Variants in ILDR2 observed in about 807,000 individuals in gnomAD.
ILDR2 encodes immunoglobulin like domain containing receptor 2.
ILDR2 carries 25 observed loss-of-function variants against 66.8 expected under a neutral mutation model. The ratio of observed to expected loss-of-function variants is 0.37; its 90% confidence interval spans 0.27 to 0.52. ILDR2 has a LOEUF of 0.52. Among genes scored for constraint, ILDR2 ranks in the 20% least tolerant of loss-of-function variants. ILDR2 has a pLI of 0.88. For missense variants in ILDR2, 827 were observed against 876.8 expected (o/e 0.94, Z 0.72); for synonymous variants, 367 against 357.2 (o/e 1.03, Z -0.31).
intron 7 of ILDR2, 119 bp from the exon 8 acceptor site, chr1:166,922,928 CAGGG>C (rs1660044902): frequency 1.2e-6 from 1 of 824,548 alleles, no homozygotes; most frequent in Admixed American, 2.1e-5. Flanking sequence ...CATTGCTGTC[CAGGG>C]TGGGTTGTAA....
chr1:166,898,066 A>G (rs1443788268), intron 2 of ILDR2, among the ~76,000 whole-genome samples: 1 of 152,194 alleles, frequency 6.6e-6, no homozygotes, highest in Non-Finnish European at 1.5e-5. Flanking sequence ...GCACTGCACA[A>G]TGAAAGAAAA....
At chr1:166,923,862 C>CT (rs1486490261) in intron 7 of ILDR2, among the ~76,000 whole-genome samples, 2 of 152,118 alleles carry the variant, frequency 1.3e-5, no homozygotes, top group Non-Finnish European at 2.9e-5. Flanking sequence ...TAACTGAATC[C>CT]ATTGGTTTTC....
rs1345745233 is a variant in ILDR2 at position 166,911,990 on chromosome 1, T to C, written c.*7365A>G. 3 of 152,180 alleles carry C rather than the reference T, an allele frequency of 2.0e-5. No homozygotes were observed. The East Asian group carries it at 5.8e-4, about 29-fold the overall frequency. 9.4% of individuals were successfully genotyped at this position (152,180 alleles called of 1,614,324 possible). A position where few individuals can be genotyped will look rare whatever the true frequency, so the allele number is the denominator to read the frequency against. ...TGTTAATATAGCTGAGAGTTTTCCA[T>C]ATTTAATGGGAAATCCAATCCACGG... On this transcript the variant is annotated 3_prime_UTR_variant, in exon 10 of 10. Transcript: ENST00000271417.
At chr1:166,970,116 C>CATTCT (rs2102030209) in intron 1 of ILDR2, among the ~76,000 whole-genome samples, 1 of 152,284 alleles carries the variant, frequency 6.6e-6, no homozygotes, top group South Asian at 2.1e-4. Flanking sequence ...CTAGAAGGGA[C>CATTCT]ATTCTAGGAC....
chr1:166,950,866 A>G (rs1661937868), intron 3 of ILDR2, among the ~76,000 whole-genome samples: 1 of 152,124 alleles, frequency 6.6e-6, no homozygotes, highest in South Asian at 2.1e-4. Context: ...AAACAAAGGC[A>G]ATTCTGTGGG....
In ILDR2 at chr1:166,936,699, G is replaced by C. The variant is rs1178306957; in HGVS notation, c.595C>G (p.Leu199Val). 2 of 1,614,144 alleles carry C rather than the reference G, an allele frequency of 1.2e-6. No homozygotes were observed. The highest frequency in any genetic ancestry group is 2.2e-5 in the South Asian group (2 of 91,082). ...FVGLVLLGVF[L>V]FFVLVGICWC... ...CAGATCCCCACCAGGACGAAGAAGA[G>C]GAAGACGCCCAGGAGCACCAGGCCA... Residue 199 changes from leucine to valine, a missense_variant, in exon 5 of 10, where the codon CTC (leucine) becomes GTC (valine). Physicochemically the swap from Leu to Val is conservative, Grantham distance 32 (BLOSUM62 1). Transcript: ENST00000271417. The surrounding 1 kb of genome is among the most constrained non-coding windows in gnomAD (Gnocchi z 5.0).
rs1179076097 is a variant in ILDR2 at position 166,909,710 on chromosome 1, CAT to C, written c.*9643_*9644del. The stretch of plus-strand genomic sequence containing the variant: ...CAAAAACAAGGTTAATAGAAATTGA[CAT>C]ATATATGTGTGTGTGTATACATACA... On this transcript the variant is annotated 3_prime_UTR_variant, in exon 10 of 10. Transcript: ENST00000271417. 2 of 131,490 alleles carry C rather than the reference CAT, an allele frequency of 1.5e-5. No homozygotes were observed. Among genetic ancestry groups the C allele is most frequent in the African/African-American group, 5.8e-5 (2 of 34,346 alleles). The allele number at this position is 131,490 out of a possible 1,614,324, so 8.1% of individuals were successfully genotyped here.
intron 3 of ILDR2, among the ~76,000 whole-genome samples, chr1:166,945,967 C>T (rs1661590121): frequency 6.6e-6 from 1 of 152,232 alleles, no homozygotes; most frequent in Admixed American, 6.5e-5. Context: ...CACTTTCAAG[C>T]TTTCCTCAGA....
chr1:166,906,213 T>C (rs1057445508), downstream of ILDR2, among the ~76,000 whole-genome samples: 1 of 152,186 alleles, frequency 6.6e-6, no homozygotes, highest in African/African-American at 2.4e-5. Context: ...CATACCACAG[T>C]GGTATGAAGG....
intron 9 of ILDR2, 69 bp from the exon 10 acceptor site, chr1:166,919,459 G>A (rs925444704): frequency 2.1e-6 from 3 of 1,454,620 alleles, no homozygotes; most frequent in East Asian, 2.3e-5. Flanking sequence ...AATAACAGAT[G>A]GTTCTCTGGG....
At chr1:166,965,581 T>C (rs536477037) in intron 1 of ILDR2, among the ~76,000 whole-genome samples, 1 of 146,332 alleles carries the variant, frequency 6.8e-6, no homozygotes, top group African/African-American at 2.6e-5. Context: ...TTTTTTTTTT[T>C]GTTTTTTTTT....
At position 166,917,915 on chromosome 1, in the gene ILDR2, TC is replaced by T. The variant is rs1422394562; in HGVS notation, c.*1439del. 1 of 152,142 alleles carries T rather than the reference TC, an allele frequency of 6.6e-6. No homozygotes were observed. The highest frequency in any genetic ancestry group is 1.5e-5 in the Non-Finnish European group (1 of 68,048). 9.4% of individuals were successfully genotyped at this position (152,142 alleles called of 1,614,324 possible). A position where few individuals can be genotyped will look rare whatever the true frequency, so the allele number is the denominator to read the frequency against. Reference sequence around the variant, plus strand: ...GTTCACCTGATGGTAGTTGCAAGGTTCCCAAGAGCAGCAAAAGAGGACAAGC... The same window carrying T: ...GTTCACCTGATGGTAGTTGCAAGGTTCCAAGAGCAGCAAAAGAGGACAAGC... On this transcript the variant is annotated 3_prime_UTR_variant, in exon 10 of 10. Coordinates refer to ENST00000271417, the MANE Select transcript of ILDR2 (RefSeq NM_199351.3).
rs1276145348 is a variant in ILDR2, at chr1:166,912,429, C to T, written c.*6926G>A. 2.6e-5 allele frequency: 4 copies of T among 151,928 alleles called. No individual in the cohort carries two copies. The highest frequency in any genetic ancestry group is 6.6e-5 in the Admixed American group (1 of 15,234). 9.4% of individuals were successfully genotyped at this position (151,928 alleles called of 1,614,324 possible). Reference sequence around the variant, plus strand: ...GAAAAAAAGATGTGTAGAAAAAACACGTGGGTGATTCTAAACAAATACTTT... The same window carrying T: ...GAAAAAAAGATGTGTAGAAAAAACATGTGGGTGATTCTAAACAAATACTTT... On this transcript the variant is annotated 3_prime_UTR_variant, in exon 10 of 10. Transcript: ENST00000271417.
At chr1:166,901,632 G>A (rs1659267209) in intron 2 of ILDR2, among the ~76,000 whole-genome samples, 1 of 152,140 alleles carries the variant, frequency 6.6e-6, no homozygotes, top group Admixed American at 6.5e-5. Context: ...CTTCCAAAAG[G>A]GAGACAGTTT....
chr1:166,929,040 G>A (rs1444505867), intron 6 of ILDR2, among the ~76,000 whole-genome samples: 2 of 152,186 alleles, frequency 1.3e-5, no homozygotes, highest in South Asian at 4.1e-4. Context: ...TGTCTGTTCT[G>A]GAGGCAGTTA....
rs561520831 is a variant in ILDR2 at position 166,896,490 on chromosome 1, C to T, written n.172-389G>A. 3.7e-4 allele frequency among the ~76,000 whole-genome samples: 55 copies of T among 150,492 alleles called. 1 individual carries two copies. The highest frequency in any genetic ancestry group is 9.7e-4 in the East Asian group (5 of 5,132). ...GTAAAATGTGGCTTCTACAACTAAG[C>T]GGAAGAATTTTAATTTTTTTTAATT... On this transcript the variant is annotated intron_variant and non_coding_transcript_variant, in intron 2 of 2. Coordinates refer to the ILDR2 transcript ENST00000414590.
chr1:166,960,017 G>A (rs773330934), intron 1 of ILDR2, among the ~76,000 whole-genome samples: 2 of 152,114 alleles, frequency 1.3e-5, no homozygotes, highest in Non-Finnish European at 2.9e-5. Flanking sequence ...CACTCCCACA[G>A]CTAAAGCATA....
intron 3 of ILDR2, among the ~76,000 whole-genome samples, chr1:166,942,365 A>G (rs1661359144): frequency 6.6e-6 from 1 of 152,256 alleles, no homozygotes; most frequent in Non-Finnish European, 1.5e-5. Flanking sequence ...AACAGGGAGT[A>G]GCTAGAGATG....
chr1:166,927,632 A>C lies in ILDR2; in HGVS notation c.881-452T>G, dbSNP rs72707815. 8.0e-3 allele frequency among the ~76,000 whole-genome samples: 1,225 copies of C among 152,328 alleles called. 9 individuals carry two copies. The highest frequency in any genetic ancestry group is 0.012 in the Admixed American group (191 of 15,304). ...GGTAACTTACAGATACTCAAACATC[A>C]AGGGCCTTGACAAAGTTGGCCTGAA... On this transcript the variant is annotated intron_variant, in intron 6 of 9. Coordinates refer to ENST00000271417, the MANE Select transcript of ILDR2 (RefSeq NM_199351.3).
Sources: gnomAD v4.1 joint callset for allele counts (sites outside exome capture counted in the v4.1 genomes callset) on GRCh38, gnomAD v4.1.1 for gene constraint, Gnocchi (gnomAD v3.1) non-coding constraint, MANE v1.5 for transcripts, NCBI Gene and HGNC (gene_info 2026-07-23, HGNC 2026-07-21) for gene names.